ALMS1: variants seen among roughly 807,000 people sequenced by gnomAD.
The protein encoded by ALMS1 is ALMS1 centrosome and basal body associated protein.
In ALMS1, 271 loss-of-function variants were observed where a neutral mutation model predicts 352.2. The observed-to-expected ratio is 0.77, with a 90% CI of 0.70 to 0.85. ALMS1 has a LOEUF of 0.85. Among genes scored for constraint, ALMS1 ranks in the 40% least tolerant of loss-of-function variants. The pLI, the probability that ALMS1 is intolerant of heterozygous loss-of-function variation, is 0.00. For synonymous variants in ALMS1, 1,865 were observed against 1,761.2 expected, an observed-to-expected ratio of 1.06 and a Z score of -1.48; for missense variants, 5,445 against 4,870.7, an observed-to-expected ratio of 1.12 and a Z score of -3.51.
At chr2:73,427,809 C>T (rs1247892986) in intron 6 of ALMS1, among the ~76,000 whole-genome samples, 2 of 152,016 alleles carry the variant, frequency 1.3e-5, no homozygotes, top group Admixed American at 6.6e-5. Flanking sequence ...CCAAGGTGGG[C>T]CCTACTTCCT....
intron 22 of ALMS1, among the ~76,000 whole-genome samples, chr2:73,608,852 G>T (rs184451874): frequency 6.6e-6 from 1 of 152,322 alleles, no homozygotes; most frequent in Non-Finnish European, 1.5e-5. Flanking sequence ...GACATATCAT[G>T]GTAGAAATAC....
chr2:73,414,811 G>C (rs1477239397), intron 2 of ALMS1, among the ~76,000 whole-genome samples: 1 of 151,686 alleles, frequency 6.6e-6, no homozygotes, highest in Non-Finnish European at 1.5e-5. Context: ...GTAAGCTGTG[G>C]ACCCAAGTAT....
intron 7 of ALMS1, among the ~76,000 whole-genome samples, chr2:73,434,783 A>G (rs1671575242): frequency 6.6e-6 from 1 of 152,086 alleles, no homozygotes; most frequent in Non-Finnish European, 1.5e-5. Context: ...ATATATGTTT[A>G]TAATTGTTAT....
chr2:73,528,768 A>T (rs775637153), intron 11 of ALMS1, among the ~76,000 whole-genome samples: 1 of 151,698 alleles, frequency 6.6e-6, no homozygotes, highest in Non-Finnish European at 1.5e-5. Flanking sequence ...TATTTTCTAG[A>T]TCCTGTAGGC....
chr2:73,491,276 C>T lies in ALMS1; in HGVS notation c.9317C>T (p.Pro3106Leu). ...ACCTCCAAATTATTGACCAGTAAAC[C>T]TGTAGCACAGGATCAAGAATCTTTA... ...EPTSKLLTSK[P>L]VAQDQESLGF... The change falls in exon 10 of 23, where the codon CCT becomes CTT. Residue 3106 changes from proline to leucine, a missense_variant. Physicochemically the swap from Pro to Leu is moderately conservative, Grantham distance 98. Coordinates refer to ENST00000613296, the MANE Select transcript of ALMS1 (RefSeq NM_001378454.1). 6.2e-7 allele frequency: 1 copy of T among 1,614,152 alleles called. No individual in the cohort carries two copies. The highest frequency in any genetic ancestry group is 1.3e-5 in the African/African-American group (1 of 75,054).
At chr2:73,558,593 C>T (rs769992963) in intron 14 of ALMS1, among the ~76,000 whole-genome samples, 5 of 152,180 alleles carry the variant, frequency 3.3e-5, no homozygotes, top group African/African-American at 4.8e-5. Context: ...TGCTCTGTTT[C>T]TTAGATGCTA....
intron 9 of ALMS1, among the ~76,000 whole-genome samples, chr2:73,474,033 A>G (rs1015723646): frequency 4.6e-5 from 7 of 152,060 alleles, no homozygotes; most frequent in African/African-American, 1.7e-4. Context: ...GTTAAACTCA[A>G]AGAGACCCAC....
At chr2:73,441,778 A>C (rs978229885) in intron 7 of ALMS1, among the ~76,000 whole-genome samples, 6 of 146,752 alleles carry the variant, frequency 4.1e-5, no homozygotes, top group Non-Finnish European at 1.5e-5. Flanking sequence ...TCTACCTTTC[A>C]GTTTTTTTTT....
chr2:73,465,123 A>T (rs1672302884), intron 9 of ALMS1, among the ~76,000 whole-genome samples: 1 of 149,128 alleles, frequency 6.7e-6, no homozygotes, highest in Non-Finnish European at 1.5e-5. Context: ...TCTTCACAGA[A>T]TTGGAAGAAA....
At position 73,601,439 on chromosome 2, in the gene ALMS1, G is replaced by A; in HGVS notation, c.12114+3G>A. 1 of 1,613,970 alleles carries A rather than the reference G, an allele frequency of 6.2e-7. No individual in the cohort carries two copies. Among genetic ancestry groups the A allele is most frequent in the Non-Finnish European group, 8.5e-7 (1 of 1,179,902 alleles). ...CATTTGTGAGAGCAACCCTTCAGGTGCAGTGACGTTGACTTAACTTTAATG... is the reference window on the plus strand; with the variant it reads ...CATTTGTGAGAGCAACCCTTCAGGTACAGTGACGTTGACTTAACTTTAATG... On this transcript the variant is annotated splice_donor_region_variant and intron_variant, in intron 19 of 22. Coordinates refer to ENST00000613296, the MANE Select transcript of ALMS1 (RefSeq NM_001378454.1).
chr2:73,429,273 A>G (rs1247381240), intron 6 of ALMS1, among the ~76,000 whole-genome samples: 1 of 141,266 alleles, frequency 7.1e-6, no homozygotes, highest in Non-Finnish European at 1.5e-5. Flanking sequence ...CACATAATTA[A>G]TATGCTTTTT....
Position 73,410,138 on chromosome 2 carries a change from C to T in ALMS1, c.450+1391C>T, listed in dbSNP as rs28523971. Among the ~76,000 whole-genome samples, 538 of 152,266 alleles carry T rather than the reference C, an allele frequency of 3.5e-3. 1 individual carries two copies. The highest frequency in any genetic ancestry group is 0.012 in the African/African-American group (492 of 41,560). On this transcript the variant is annotated intron_variant, in intron 2 of 22. Coordinates refer to ENST00000613296, the MANE Select transcript of ALMS1 (RefSeq NM_001378454.1). Reference sequence around the variant, plus strand: ...GAACAGTGGCTAACGCCTGTAATCCCAGCACTTTGGGAGGCTGAGGTGGGT... The same window carrying T: ...GAACAGTGGCTAACGCCTGTAATCCTAGCACTTTGGGAGGCTGAGGTGGGT...
intron 9 of ALMS1, among the ~76,000 whole-genome samples, chr2:73,474,212 G>A (rs1189047610): frequency 2.0e-5 from 3 of 151,774 alleles, no homozygotes; most frequent in East Asian, 1.9e-4. Flanking sequence ...TATTCCTGCC[G>A]TAAATACTGT....
At chr2:73,553,341 AG>A (rs1241923307) in intron 13 of ALMS1, among the ~76,000 whole-genome samples, 1 of 152,208 alleles carries the variant, frequency 6.6e-6, no homozygotes, top group Non-Finnish European at 1.5e-5. Flanking sequence ...GAGGAAATGG[AG>A]GGGGCCAACA....
At position 73,573,161 on chromosome 2, in the gene ALMS1, G is replaced by A. The variant is rs1243181452; in HGVS notation, c.11284G>A (p.Glu3762Lys). The A allele has an allele frequency of 5.6e-6, 9 of 1,613,378 alleles. No homozygotes were observed. Among genetic ancestry groups the A allele is most frequent in the Admixed American group, 1.7e-5 (1 of 59,898 alleles). Residue 3762 changes from glutamate (E) to lysine (K), a missense_variant, in exon 16 of 23, where the codon GAA becomes AAA. Physicochemically the swap from Glu to Lys is moderately conservative, Grantham distance 56 (BLOSUM62 1). Transcript: ENST00000613296. ...NILSGTTSTV[E>K]SDILTQTDRE... is the part of the protein sequence containing the mutation. ...CCTTTCCGGCACCACTTCTACTGTC[G>A]AATCAGATATATTGACCCAAACAGA...
At chr2:73,604,070 A>G (rs1490770497) in intron 21 of ALMS1, 1 of 152,240 alleles carries the variant, frequency 6.6e-6, no homozygotes, top group East Asian at 1.9e-4. Context: ...AAAAATAAGT[A>G]TTTGTGCCTA....
chr2:73,537,017 C>T (rs558376926), intron 12 of ALMS1, among the ~76,000 whole-genome samples: 1 of 152,144 alleles, frequency 6.6e-6, no homozygotes, highest in Non-Finnish European at 1.5e-5. Context: ...TTAAAAGTTC[C>T]TTCCCAAAGA....
chr2:73,605,864 A>G (rs1046597324), intron 21 of ALMS1, among the ~76,000 whole-genome samples: 9 of 152,128 alleles, frequency 5.9e-5, no homozygotes, highest in African/African-American at 2.4e-5. Flanking sequence ...AAAGAAAGAA[A>G]AGAAACTATC....
At position 73,531,437 on chromosome 2, in the gene ALMS1, A is replaced by G. The variant is rs550089035; in HGVS notation, c.9782-3387A>G. Among the ~76,000 whole-genome samples, 56 of 152,300 alleles carry G rather than the reference A, an allele frequency of 3.7e-4. 1 individual carries two copies. Among genetic ancestry groups the G allele is most frequent in the African/African-American group, 1.3e-3 (55 of 41,570 alleles). On this transcript the variant is annotated intron_variant, in intron 11 of 22. Coordinates refer to ENST00000613296, the MANE Select transcript of ALMS1 (RefSeq NM_001378454.1). ...AGTTCCCAACAAGTTTCTCATCTCC[A>G]TCTGAGACTACCTCAACCTGGACTT...
Sources: gnomAD v4.1 joint callset for allele counts (sites outside exome capture counted in the v4.1 genomes callset) on GRCh38, gnomAD v4.1.1 for gene constraint, MANE v1.5 for transcripts, NCBI Gene and HGNC (gene_info 2026-07-23, HGNC 2026-07-21) for gene names.